The following NALF1 variants were observed in gnomAD, a reference collection of about 807,000 sequenced individuals.
NALF1 encodes the protein NALCN channel auxiliary factor 1.
NALF1 carries 3 observed loss-of-function variants against 48.4 expected under a neutral mutation model. That is an observed-to-expected ratio of 0.06 (90% CI 0.03 to 0.16). The LOEUF is 0.16. Among genes scored for constraint, NALF1 ranks in the 10% least tolerant of loss-of-function variants. The pLI is 1.00. For synonymous variants in NALF1, 262 were observed against 245.7 expected (o/e 1.07, Z -0.62); for missense variants, 526 against 571.5 (o/e 0.92, Z 0.81).
chr13:107,518,017 T>A lies in NALF1; in HGVS notation c.916-307262A>T, dbSNP rs547529617. ...GTTTGGAGTACAGCAGAACATAACC[T>A]AGACAAAAACAACCCATGAGTCCTG... On this transcript the variant is annotated intron_variant, in intron 1 of 2. Coordinates refer to ENST00000375915, the MANE Select transcript of NALF1 (RefSeq NM_001080396.3). Among the ~76,000 whole-genome samples, 19 of 152,008 alleles carry A rather than the reference T, an allele frequency of 1.2e-4. No individual in the cohort carries two copies. The East Asian group carries it at 3.5e-3, about 28-fold the overall frequency.
chr13:107,205,149 C>T (rs1284744735), intron 2 of NALF1, among the ~76,000 whole-genome samples: 4 of 151,926 alleles, frequency 2.6e-5, no homozygotes, highest in Admixed American at 6.6e-5. Context: ...AATGCTATCC[C>T]TCCCCCTTTC....
chr13:107,467,730 C>T (rs1236178471), intron 1 of NALF1, among the ~76,000 whole-genome samples: 3 of 152,136 alleles, frequency 2.0e-5, no homozygotes, highest in East Asian at 1.9e-4. Context: ...AATTCTTATA[C>T]GATTTACAAT....
chr13:107,859,973 C>T (rs575718526), intron 1 of NALF1, among the ~76,000 whole-genome samples: 6 of 150,718 alleles, frequency 4.0e-5, no homozygotes, highest in Middle Eastern at 3.6e-3. Flanking sequence ...GAAGAAATTC[C>T]ACTATGTAGC....
intron 2 of NALF1, among the ~76,000 whole-genome samples, chr13:107,207,158 A>G (rs1444406800): frequency 6.6e-6 from 1 of 151,730 alleles, no homozygotes; most frequent in East Asian, 1.9e-4. Flanking sequence ...TTCATAACCT[A>G]CTCTCATTTT....
intron 1 of NALF1, among the ~76,000 whole-genome samples, chr13:107,286,586 C>CAAAAAAA (rs1159508752): frequency 9.8e-6 from 1 of 102,090 alleles, no homozygotes; most frequent in Non-Finnish European, 2.0e-5. Context: ...GACCCTGTCT[C>CAAAAAAA]AAAAAAAAAA....
chr13:107,316,069 C>T (rs1380021920), intron 1 of NALF1, among the ~76,000 whole-genome samples: 1 of 151,936 alleles, frequency 6.6e-6, no homozygotes, highest in African/African-American at 2.4e-5. Flanking sequence ...CACAACAGTC[C>T]CCAGTGTGTG....
chr13:107,367,635 G>C (rs774024437), intron 1 of NALF1, among the ~76,000 whole-genome samples: 1 of 152,148 alleles, frequency 6.6e-6, no homozygotes, highest in Non-Finnish European at 1.5e-5. Flanking sequence ...AGGCTGCCCC[G>C]CAGATTTCCC....
At chr13:107,748,617 T>G (rs990880276) in intron 1 of NALF1, among the ~76,000 whole-genome samples, 1 of 152,192 alleles carries the variant, frequency 6.6e-6, no homozygotes, top group Non-Finnish European at 1.5e-5. Context: ...GACAATTAAT[T>G]AGTACCCATT....
At chr13:107,231,552 T>A (rs182299546) in intron 1 of NALF1, among the ~76,000 whole-genome samples, 5 of 152,354 alleles carry the variant, frequency 3.3e-5, no homozygotes, top group African/African-American at 1.2e-4. Flanking sequence ...TGTCCCATAT[T>A]TTTCACCTCT....
chr13:107,472,932 A>G (rs1885123762), intron 1 of NALF1, among the ~76,000 whole-genome samples: 1 of 152,172 alleles, frequency 6.6e-6, no homozygotes, highest in African/African-American at 2.4e-5. Flanking sequence ...ACTGGGGAGA[A>G]ACAGAAGCAT....
intron 1 of NALF1, among the ~76,000 whole-genome samples, chr13:107,712,376 G>T (rs16970965): frequency 6.6e-6 from 1 of 152,076 alleles, no homozygotes; most frequent in Non-Finnish European, 1.5e-5. Flanking sequence ...AGTAATCACC[G>T]CAATAAAACA....
rs9583183 is a variant in NALF1 at position 107,614,768 on chromosome 13, T to C, written c.915+250914A>G. ...CAATCCTGCATCTCTTTTTTTCTTT[T>C]TTTTTTTTTCTTTCTTTTCTTTTTT... is the stretch of plus-strand genomic sequence containing the variant. On this transcript the variant is annotated intron_variant, in intron 1 of 2. Coordinates refer to ENST00000375915, the MANE Select transcript of NALF1 (RefSeq NM_001080396.3). Among the ~76,000 whole-genome samples, 393 of 151,914 alleles carry C rather than the reference T, an allele frequency of 2.6e-3. 1 individual carries two copies. The highest frequency in any genetic ancestry group is 9.1e-3 in the African/African-American group (379 of 41,456).
chr13:107,349,739 C>CA (rs35813555), intron 1 of NALF1, among the ~76,000 whole-genome samples: 22,658 of 98,890 alleles, frequency 0.23, 2,202 homozygotes, highest in East Asian at 0.45. Flanking sequence ...GAATACGTCT[C>CA]AAAAAAAAAA....
intron 1 of NALF1, among the ~76,000 whole-genome samples, chr13:107,251,206 C>CA (rs1036226093): frequency 4.6e-5 from 7 of 152,098 alleles, no homozygotes; most frequent in African/African-American, 1.7e-4. Context: ...AAAAATAAAA[C>CA]AGGCAAGATT....
intron 1 of NALF1, among the ~76,000 whole-genome samples, chr13:107,713,632 A>C (rs557682622): frequency 6.6e-6 from 1 of 152,216 alleles, no homozygotes; most frequent in East Asian, 1.9e-4. Flanking sequence ...GTGCTATTAT[A>C]CTCTTACCTC....
intron 1 of NALF1, among the ~76,000 whole-genome samples, chr13:107,639,424 T>C (rs1338017797): frequency 2.6e-5 from 4 of 152,182 alleles, no homozygotes; most frequent in African/African-American, 4.8e-5. Flanking sequence ...CATTTGCTCA[T>C]AGTATTTACT....
intron 1 of NALF1, among the ~76,000 whole-genome samples, chr13:107,440,279 C>T (rs1047364512): frequency 5.9e-5 from 9 of 152,044 alleles, no homozygotes; most frequent in East Asian, 1.9e-4. Context: ...TTATGGAAGA[C>T]GTGGTGGGGG....
intron 1 of NALF1, among the ~76,000 whole-genome samples, chr13:107,839,903 T>C (rs1879998787): frequency 6.6e-6 from 1 of 152,148 alleles, no homozygotes; most frequent in South Asian, 2.1e-4. Context: ...TGTATCTCCT[T>C]CCCTTTAATA....
At chr13:107,725,062 T>G (rs1876108943) in intron 1 of NALF1, among the ~76,000 whole-genome samples, 1 of 152,224 alleles carries the variant, frequency 6.6e-6, no homozygotes, top group African/African-American at 2.4e-5. Flanking sequence ...TACTTCTGGA[T>G]AAAAATACGA....
Sources: allele counts gnomAD v4.1 joint callset (sites outside exome capture counted in the v4.1 genomes callset), GRCh38; gene constraint gnomAD v4.1.1; transcripts MANE v1.5; gene names NCBI Gene and HGNC (gene_info 2026-07-23, HGNC 2026-07-21).